Variants in TLE4 observed in about 807,000 individuals in gnomAD.
TLE4 encodes the protein transducin-like enhancer protein 4.
A neutral mutation model predicts 92.8 loss-of-function variants in TLE4; 8 were observed. That is an observed-to-expected ratio of 0.09 (90% CI 0.05 to 0.16). The LOEUF (loss-of-function observed/expected upper bound fraction) is 0.16, where lower values mean the gene tolerates loss of function less well. Ranked by LOEUF, TLE4 falls within the 10% of genes least tolerant of loss-of-function variation. The pLI is 1.00. For synonymous variants in TLE4, 371 were observed against 374.1 expected (o/e 0.99, Z 0.10); for missense variants, 675 against 997.6 (o/e 0.68, Z 4.36).
intron 4 of TLE4, among the ~76,000 whole-genome samples, chr9:79,585,173 A>T (rs74419092): frequency 0.024 from 3,623 of 152,326 alleles, 145 homozygotes; most frequent in African/African-American, 0.081. Context: ...AATAGTAATC[A>T]TAACAGTAAG....
At chr9:79,605,082 G>A (rs966084350) in intron 4 of TLE4, among the ~76,000 whole-genome samples, 1 of 152,100 alleles carries the variant, frequency 6.6e-6, no homozygotes, top group African/African-American at 2.4e-5. Flanking sequence ...CAGCTGGCAA[G>A]GCTTGCTCTG....
intron 16 of TLE4, 65 bp downstream of exon 16, chr9:79,720,358 T>C: frequency 6.5e-7 from 1 of 1,548,200 alleles, no homozygotes; most frequent in Non-Finnish European, 8.7e-7. Context: ...TTTGCCAAAG[T>C]GCTGTGTATA....
intron 8 of TLE4, among the ~76,000 whole-genome samples, chr9:79,702,524 A>G (rs1423370566): frequency 2.6e-5 from 4 of 152,214 alleles, no homozygotes; most frequent in Non-Finnish European, 5.9e-5. Context: ...TGAGGTTTGG[A>G]ACTCAGCAGA....
At chr9:79,645,409 T>C (rs968433202) in intron 6 of TLE4, among the ~76,000 whole-genome samples, 4 of 152,140 alleles carry the variant, frequency 2.6e-5, no homozygotes, top group African/African-American at 9.7e-5. Flanking sequence ...TGCCCAAAAT[T>C]CCTAGGGATG....
chr9:79,682,345 T>C (rs1428249927), intron 8 of TLE4, among the ~76,000 whole-genome samples: 1 of 152,194 alleles, frequency 6.6e-6, no homozygotes, highest in Non-Finnish European at 1.5e-5. Context: ...ATATGCATCA[T>C]ATTGCCTTTA....
intron 8 of TLE4, among the ~76,000 whole-genome samples, chr9:79,680,442 T>TA (rs2064269612): frequency 6.6e-6 from 1 of 152,186 alleles, no homozygotes; most frequent in Non-Finnish European, 1.5e-5. Context: ...GTTATTGGTG[T>TA]ATAAGAATGC....
intron 8 of TLE4, among the ~76,000 whole-genome samples, chr9:79,684,515 G>T (rs889863444): frequency 2.6e-5 from 4 of 151,294 alleles, no homozygotes; most frequent in Non-Finnish European, 5.9e-5. Flanking sequence ...GATCTAGGTT[G>T]TACACTTCTT....
intron 8 of TLE4, among the ~76,000 whole-genome samples, chr9:79,668,355 C>T (rs546539294): frequency 7.2e-5 from 11 of 152,270 alleles, no homozygotes; most frequent in Admixed American, 5.9e-4. Context: ...GAGGGCTTGG[C>T]AGGAGTAGTG....
chr9:79,703,233 A>G (rs2070472177), intron 8 of TLE4, among the ~76,000 whole-genome samples: 1 of 151,702 alleles, frequency 6.6e-6, no homozygotes, highest in Non-Finnish European at 1.5e-5. Flanking sequence ...TCTTTCTACT[A>G]CTCTCCAAGA....
At chr9:79,592,229 T>TCTTC (rs1554694706) in intron 4 of TLE4, among the ~76,000 whole-genome samples, 104 of 133,178 alleles carry the variant, frequency 7.8e-4, no homozygotes, top group African/African-American at 2.6e-3. Flanking sequence ...TTCTTCTTCT[T>TCTTC]CTTCTTCCTT....
At chr9:79,657,455 C>T (rs1374419889) in intron 8 of TLE4, among the ~76,000 whole-genome samples, 1 of 152,152 alleles carries the variant, frequency 6.6e-6, no homozygotes, top group Non-Finnish European at 1.5e-5. Context: ...TTGCCCACCC[C>T]CTCTCATTGA....
At chr9:79,699,615 A>C (rs112361544) in intron 8 of TLE4, among the ~76,000 whole-genome samples, 4 of 152,308 alleles carry the variant, frequency 2.6e-5, no homozygotes, top group Non-Finnish European at 4.4e-5. Flanking sequence ...TGAAGGCCAT[A>C]GCTGATGAGC....
chr9:79,601,520 C>A, intron 4 of TLE4: 1 of 452,946 alleles, frequency 2.2e-6, no homozygotes, highest in South Asian at 1.6e-5. Context: ...GTAACTCTCA[C>A]AATGTTTCAA....
chr9:79,654,484 GTGAA>G (rs1319570164), intron 8 of TLE4, among the ~76,000 whole-genome samples: 3 of 150,066 alleles, frequency 2.0e-5, no homozygotes, highest in Middle Eastern at 3.2e-3. Flanking sequence ...ATTTGTTTAA[GTGAA>G]TGGTGCATTT....
chr9:79,616,037 T>C (rs1260191289), intron 5 of TLE4, among the ~76,000 whole-genome samples: 1 of 152,206 alleles, frequency 6.6e-6, no homozygotes, highest in Non-Finnish European at 1.5e-5. Context: ...CTTCACTTTT[T>C]AGCTTTTAGG....
At position 79,704,778 on chromosome 9, in the gene TLE4, T is replaced by C; in HGVS notation, c.610-5T>C. The stretch of plus-strand genomic sequence containing the variant: ...CAACCATGCTTCCTCTCCTTCTAAT[T>C]CCAGAGCTCTTCAGTATCCCCATCA... On this transcript the variant is annotated splice_polypyrimidine_tract_variant and splice_region_variant and intron_variant, in intron 8 of 19. Transcript: ENST00000376552. The C allele has an allele frequency of 1.2e-6, 2 of 1,611,824 alleles. No homozygotes were observed. The highest frequency in any genetic ancestry group is 1.7e-6 in the Non-Finnish European group (2 of 1,179,448).
At chr9:79,592,149 T>TTTCTTCTTTCTTCTTTC (rs2042704243) in intron 4 of TLE4, among the ~76,000 whole-genome samples, 3 of 148,824 alleles carry the variant, frequency 2.0e-5, no homozygotes, top group African/African-American at 7.5e-5. Context: ...TTCTTTCTTC[T>TTTCTTCTTTCTTCTTTC]TTCTTCTTCT....
chr9:79,604,599 G>A (rs2046394820), intron 4 of TLE4, among the ~76,000 whole-genome samples: 1 of 152,126 alleles, frequency 6.6e-6, no homozygotes, highest in Non-Finnish European at 1.5e-5. Context: ...ATGCAGGATA[G>A]ATGGAGATTT....
chr9:79,718,828 A>G lies in TLE4; in HGVS notation c.1447A>G (p.Thr483Ala), dbSNP rs2075076266. 1 of 1,613,900 alleles carries G rather than the reference A, an allele frequency of 6.2e-7. No individual in the cohort carries two copies. The highest frequency in any genetic ancestry group is 1.3e-5 in the African/African-American group (1 of 74,834). Reference sequence around the variant, plus strand: ...CCCCCGGCATGCTCGCCAGATCAACACCCTCAACCACGGGGAGGTGGTGTG... The same window carrying G: ...CCCCCGGCATGCTCGCCAGATCAACGCCCTCAACCACGGGGAGGTGGTGTG... ...GIPRHARQIN[T>A]LNHGEVVCAV... Residue 483 changes from threonine (T) to alanine (A), a missense_variant, in exon 15 of 20, where the codon ACC (threonine) becomes GCC (alanine). Thr to Ala is a moderately conservative substitution (Grantham distance 58). Coordinates refer to ENST00000376552, the MANE Select transcript of TLE4 (RefSeq NM_007005.6).
Sources: allele counts gnomAD v4.1 joint callset (sites outside exome capture counted in the v4.1 genomes callset), GRCh38; gene constraint gnomAD v4.1.1; transcripts MANE v1.5; gene names NCBI Gene and HGNC (gene_info 2026-07-23, HGNC 2026-07-21).